Variants in PMEPA1 observed in about 807,000 individuals in gnomAD.
The protein encoded by PMEPA1 is prostate transmembrane protein, androgen induced 1, also known as protein TMEPAI.
PMEPA1 carries 11 observed loss-of-function variants against 23.0 expected under a neutral mutation model. The ratio of observed to expected loss-of-function variants is 0.48; its 90% CI spans 0.30 to 0.79. The LOEUF (loss-of-function observed/expected upper bound fraction) is 0.79, where lower values mean the gene tolerates loss of function less well. Ranked by LOEUF, PMEPA1 falls within the 30% of genes least tolerant of loss-of-function variation. The pLI is 0.06. For missense variants in PMEPA1, 377 were observed against 390.9 expected (o/e 0.96, Z 0.30); for synonymous variants, 204 against 166.4 (o/e 1.23, Z -1.74).
At chr20:57,661,924 A>AT (rs879389984) in intron 1 of PMEPA1, among the ~76,000 whole-genome samples, 3,967 of 94,070 alleles carry the variant, frequency 0.042, 182 homozygotes, top group African/African-American at 0.18. Context: ...CATCTGTGCC[A>AT]CCCTCAGCGC....
At position 57,684,390 on chromosome 20, in the gene PMEPA1, G is replaced by A. The variant is rs955618111; in HGVS notation, c.110-24693C>T. On this transcript the variant is annotated intron_variant, in intron 1 of 3. Coordinates refer to ENST00000341744, the MANE Select transcript of PMEPA1 (RefSeq NM_020182.5). Reference sequence around the variant, plus strand: ...TTCCCTCCTGACCTGAACATGTAGCGGGCCTGGAAGTCAACTGAATTTCCC... The same window carrying A: ...TTCCCTCCTGACCTGAACATGTAGCAGGCCTGGAAGTCAACTGAATTTCCC... 4.6e-5 allele frequency among the ~76,000 whole-genome samples: 7 copies of A among 152,092 alleles called. No individual in the cohort carries two copies. In the South Asian group the frequency reaches 6.2e-4, roughly 14 times the overall value.
chr20:57,710,745 A>T (rs2072170569), upstream of PMEPA1: 2 of 444,318 alleles, frequency 4.5e-6, no homozygotes, highest in Admixed American at 4.2e-5. Flanking sequence ...CAAAAGGGGT[A>T]TGAGCAGGAG....
chr20:57,671,546 A>G (rs1319395612), intron 1 of PMEPA1, among the ~76,000 whole-genome samples: 1 of 152,150 alleles, frequency 6.6e-6, no homozygotes, highest in African/African-American at 2.4e-5. Flanking sequence ...CACAAAACAA[A>G]TATGTATATA....
intron 1 of PMEPA1, among the ~76,000 whole-genome samples, chr20:57,686,076 G>A (rs2071797259): frequency 6.6e-6 from 1 of 152,174 alleles, no homozygotes; most frequent in South Asian, 2.1e-4. Context: ...GGGCCTCCAT[G>A]CAGCCAAGGT....
At chr20:57,653,267 G>T (rs115428313) in intron 2 of PMEPA1, among the ~76,000 whole-genome samples, 181 bp from the exon 3 acceptor site, 1 of 150,430 alleles carries the variant, frequency 6.6e-6, no homozygotes, top group African/African-American at 2.5e-5. Flanking sequence ...GGACGTGAGC[G>T]CAATCACCTC....
chr20:57,659,700 G>T lies in PMEPA1; in HGVS notation c.110-3C>A. 1 of 1,567,258 alleles carries T rather than the reference G, an allele frequency of 6.4e-7. No individual in the cohort carries two copies. Among genetic ancestry groups the T allele is most frequent in the Non-Finnish European group, 8.6e-7 (1 of 1,156,128 alleles). ...GATCTGAACAAACTCCAGCTCCGCT[G>T]TGGAGACAAAGAGGGACACGTGAGA... On this transcript the variant is annotated splice_region_variant and splice_polypyrimidine_tract_variant and intron_variant, in intron 1 of 3. Coordinates refer to ENST00000341744, the MANE Select transcript of PMEPA1 (RefSeq NM_020182.5).
At chr20:57,706,204 G>A (rs2072084437) in intron 1 of PMEPA1, among the ~76,000 whole-genome samples, 3 of 152,150 alleles carry the variant, frequency 2.0e-5, no homozygotes, top group South Asian at 4.1e-4. Flanking sequence ...AGCAGACACC[G>A]GGTGGCCCCA....
At position 57,649,255 on chromosome 20, in the gene PMEPA1, G is replaced by A. The variant is rs2071189409; in HGVS notation, c.*2798C>T. 1 of 152,170 alleles carries A rather than the reference G, an allele frequency of 6.6e-6. No individual in the cohort carries two copies. The highest frequency in any genetic ancestry group is 1.5e-5 in the Non-Finnish European group (1 of 68,042). The allele number at this position is 152,170 out of a possible 1,614,324, so 9.4% of individuals were successfully genotyped here. On this transcript the variant is annotated 3_prime_UTR_variant, in exon 4 of 4. Transcript: ENST00000341744. The stretch of plus-strand genomic sequence containing the variant: ...CAGTCCAAGAGTTTTCAAAGATAAC[G>A]TGACAACTACCATCTAGAGGAAAGG...
At chr20:57,700,012 ACACCTTT>A in intron 1 of PMEPA1, 1 of 471,096 alleles carries the variant, frequency 2.1e-6, no homozygotes, top group Non-Finnish European at 4.4e-6. Flanking sequence ...ATATAAAAAC[ACACCTTT>A]TTGTATTCTT....
intron 1 of PMEPA1, among the ~76,000 whole-genome samples, chr20:57,705,633 G>A (rs2072071906): frequency 1.3e-5 from 2 of 152,216 alleles, no homozygotes; most frequent in Admixed American, 6.5e-5. Flanking sequence ...GAGTGGCTGC[G>A]GAGTGGCCAC....
intron 1 of PMEPA1, among the ~76,000 whole-genome samples, chr20:57,692,515 A>C (rs989540010): frequency 1.4e-5 from 2 of 142,824 alleles, no homozygotes; most frequent in Non-Finnish European, 3.2e-5. Context: ...CCTCCCTGCC[A>C]GGCCACTGCT....
chr20:57,673,601 C>A (rs989712932), intron 1 of PMEPA1, among the ~76,000 whole-genome samples: 1 of 152,184 alleles, frequency 6.6e-6, no homozygotes. Flanking sequence ...CCACATCCTG[C>A]ATAGTAGTAG....
chr20:57,659,790 G>C (rs2071386971), intron 1 of PMEPA1, 93 bp from the exon 2 acceptor site: 4 of 1,211,112 alleles, frequency 3.3e-6, no homozygotes, highest in Non-Finnish European at 4.6e-6. Flanking sequence ...ACCCACCTAG[G>C]GGGACGAGAG....
At chr20:57,684,595 G>A (rs71329749) in intron 1 of PMEPA1, among the ~76,000 whole-genome samples, 7 of 152,298 alleles carry the variant, frequency 4.6e-5, no homozygotes, top group East Asian at 1.9e-4. Flanking sequence ...TGGGGGGCCC[G>A]GGAGACCCTC....
At chr20:57,677,800 T>C (rs1445571914) in intron 1 of PMEPA1, among the ~76,000 whole-genome samples, 1 of 152,250 alleles carries the variant, frequency 6.6e-6, no homozygotes, top group Non-Finnish European at 1.5e-5. Flanking sequence ...GCAATCCAGA[T>C]GTCCCTCAAC....
rs2071212011 is a variant in PMEPA1 at position 57,650,614 on chromosome 20, T to C, written c.*1439A>G. On this transcript the variant is annotated 3_prime_UTR_variant, in exon 4 of 4. Coordinates refer to ENST00000341744, the MANE Select transcript of PMEPA1 (RefSeq NM_020182.5). ...AACAGACACACCAGAAGGGAAGCGT[T>C]GTTTCCGCGGGGAAAGGAGATGGAA... The C allele has an allele frequency of 6.6e-6, 1 of 152,294 alleles. No homozygotes were observed. Among genetic ancestry groups the C allele is most frequent in the Non-Finnish European group, 1.5e-5 (1 of 68,056 alleles). The allele number at this position is 152,294 out of a possible 1,614,324, so 9.4% of individuals were successfully genotyped here. A position where few individuals can be genotyped will look rare whatever the true frequency, so the allele number is the denominator to read the frequency against.
intron 1 of PMEPA1, among the ~76,000 whole-genome samples, chr20:57,670,502 C>T (rs2071553119): frequency 6.6e-6 from 1 of 152,146 alleles, no homozygotes; most frequent in African/African-American, 2.4e-5. Context: ...CTCCTAGGTG[C>T]CAGGATCAAG....
upstream of PMEPA1, chr20:57,710,047 C>T: frequency 3.0e-6 from 3 of 999,884 alleles, no homozygotes; most frequent in South Asian, 4.5e-5. Flanking sequence ...CGGTTCCCAC[C>T]GCGCGGGGGC....
At chr20:57,692,831 AGCAAT>A (rs2071900194) in intron 1 of PMEPA1, among the ~76,000 whole-genome samples, 1 of 152,236 alleles carries the variant, frequency 6.6e-6, no homozygotes. Context: ...GACAGCACTC[AGCAAT>A]GTCTCAGGGA....
Sources: gnomAD v4.1 joint callset for allele counts (sites outside exome capture counted in the v4.1 genomes callset) on GRCh38, gnomAD v4.1.1 for gene constraint, MANE v1.5 for transcripts, NCBI Gene and HGNC (gene_info 2026-07-23, HGNC 2026-07-21) for gene names.